The following RAPH1 variants were observed in gnomAD, a reference collection of about 807,000 sequenced individuals.
RAPH1 encodes the protein ras-associated and pleckstrin homology domains-containing protein 1.
A neutral mutation model predicts 88.1 loss-of-function variants in RAPH1; 18 were observed. The ratio of observed to expected loss-of-function variants is 0.20; its 90% CI spans 0.14 to 0.30. RAPH1 has a LOEUF of 0.30. RAPH1 is among the 10% of genes least tolerant of loss of function. RAPH1 has a pLI of 1.00. For synonymous variants in RAPH1, 587 were observed against 559.0 expected, an observed-to-expected ratio of 1.05 and a Z score of -0.71; for missense variants, 1,448 against 1,543.2, an observed-to-expected ratio of 0.94 and a Z score of 1.03.
chr2:203,442,675 T>G (rs2098505320), intron 13 of RAPH1: 2 of 152,272 alleles, frequency 1.3e-5, no homozygotes, highest in Non-Finnish European at 2.9e-5. Flanking sequence ...CACCTGAGAC[T>G]GAGGTAACAG....
intron 7 of RAPH1, among the ~76,000 whole-genome samples, chr2:203,459,213 C>T (rs551308238): frequency 6.6e-6 from 1 of 152,120 alleles, no homozygotes; most frequent in Non-Finnish European, 1.5e-5. Context: ...CTGTTGATAC[C>T]CCCAAATATG....
At chr2:203,443,635 A>G (rs1305027603) in intron 13 of RAPH1, 6 of 148,604 alleles carry the variant, frequency 4.0e-5, no homozygotes, top group Non-Finnish European at 8.8e-5. Flanking sequence ...AAATGGCAAA[A>G]GCATTAAAAA....
chr2:203,439,787 G>T lies in RAPH1; in HGVS notation c.3403C>A (p.Gln1135Lys). 6.2e-7 allele frequency: 1 copy of T among 1,614,162 alleles called. No homozygotes were observed. Among genetic ancestry groups the T allele is most frequent in the Non-Finnish European group, 8.5e-7 (1 of 1,180,026 alleles). ...GTTGGCTGCTCAGAAATCTCAGCTTGAGTGAGGCGGGTGCTATCATTCCGT... is the reference window on the plus strand; with the variant it reads ...GTTGGCTGCTCAGAAATCTCAGCTTTAGTGAGGCGGGTGCTATCATTCCGT... ...PKRNDSTRLT[Q>K]AEISEQPTMA... Residue 1135 changes from glutamine (Q) to lysine (K), a missense_variant, in exon 14 of 14, where the codon CAA (glutamine) becomes AAA (lysine). Physicochemically the swap from Gln to Lys is moderately conservative, Grantham distance 53. Transcript: ENST00000319170.
Position 203,494,434 on chromosome 2 carries a change from A to C in RAPH1, c.120+800T>G, listed in dbSNP as rs185947878. Among the ~76,000 whole-genome samples, 813 of 152,306 alleles carry C rather than the reference A, an allele frequency of 5.3e-3. 7 individuals carry two copies. The highest frequency in any genetic ancestry group is 0.014 in the Middle Eastern group (4 of 294). ...TTAAAAACCCAAGATCGAATAAAGCAAAATGAAAAGATTTTGCCACTGTTT... is the reference window on the plus strand; with the variant it reads ...TTAAAAACCCAAGATCGAATAAAGCCAAATGAAAAGATTTTGCCACTGTTT... On this transcript the variant is annotated intron_variant, in intron 2 of 13. Transcript: ENST00000319170.
At position 203,470,448 on chromosome 2, in the gene RAPH1, G is replaced by C. The variant is rs1205922136; in HGVS notation, c.733-8523C>G. The C allele has an allele frequency of 1.3e-5, 7 of 542,622 alleles. No individual in the cohort carries two copies. The Admixed American group carries it at 1.8e-4, about 14-fold the overall frequency. 33.6% of individuals were successfully genotyped at this position (542,622 alleles called of 1,614,324 possible). On this transcript the variant is annotated intron_variant, in intron 4 of 13. Coordinates refer to ENST00000319170, the MANE Select transcript of RAPH1 (RefSeq NM_213589.3). ...TAATCTCATATCTTTTCCCTAAGTT[G>C]AGTGAAATATCTCCACAAAGAAAAT...
chr2:203,531,107 A>G lies in RAPH1; in HGVS notation c.-1+4004T>C, dbSNP rs190587378. Among the ~76,000 whole-genome samples the G allele has an allele frequency of 5.9e-5, 9 of 152,310 alleles. No individual in the cohort carries two copies. The East Asian group carries it at 1.5e-3, about 26-fold the overall frequency. On this transcript the variant is annotated intron_variant, in intron 1 of 13. Coordinates refer to ENST00000319170, the MANE Select transcript of RAPH1 (RefSeq NM_213589.3). ...CAAATGGATCAAAGACCTAAACATA[A>G]GAGTTGAAACTATAAAACTCCTAAA...
intron 2 of RAPH1, among the ~76,000 whole-genome samples, chr2:203,493,575 G>T (rs900767025): frequency 3.9e-5 from 6 of 152,130 alleles, no homozygotes; most frequent in Non-Finnish European, 8.8e-5. Flanking sequence ...AAAACAGAAA[G>T]AATTTGGCAG....
intron 4 of RAPH1, among the ~76,000 whole-genome samples, chr2:203,464,122 C>T (rs557850230): frequency 1.5e-4 from 23 of 152,190 alleles, no homozygotes; most frequent in African/African-American, 5.3e-4. Context: ...GCTCATTTGC[C>T]GCATCCTTAT....
chr2:203,440,068 A>G lies in RAPH1; in HGVS notation c.3122T>C (p.Leu1041Pro). ...NLSGVNLPGV[L>P]QQGCVSAKAP... ...TTTTGCTGACACACACCCTTGTTGG[A>G]GAACTCCAGGAAGGTTGACTCCAGA... is the stretch of plus-strand genomic sequence containing the variant. Residue 1041 changes from leucine (L) to proline (P), a missense_variant, in exon 14 of 14, where the codon CTC becomes CCC. By Grantham distance (98) the Leu-to-Pro change is moderately conservative (BLOSUM62 -3). Transcript: ENST00000319170. 6.2e-7 allele frequency: 1 copy of G among 1,613,534 alleles called. No individual in the cohort carries two copies. The highest frequency in any genetic ancestry group is 8.5e-7 in the Non-Finnish European group (1 of 1,179,992).
intron 1 of RAPH1, among the ~76,000 whole-genome samples, chr2:203,531,097 C>T (rs1229102305): frequency 6.6e-6 from 1 of 152,018 alleles, no homozygotes; most frequent in Non-Finnish European, 1.5e-5. Flanking sequence ...GGATCAAAGA[C>T]CTAAACATAA....
At chr2:203,474,090 T>C (rs1346599888) in intron 4 of RAPH1, among the ~76,000 whole-genome samples, 2 of 152,084 alleles carry the variant, frequency 1.3e-5, no homozygotes, top group Non-Finnish European at 2.9e-5. Flanking sequence ...ATAAAGTAAT[T>C]CTGAAAAAGC....
intron 10 of RAPH1, among the ~76,000 whole-genome samples, chr2:203,450,017 C>T (rs1274331287): frequency 2.2e-5 from 3 of 139,314 alleles, no homozygotes; most frequent in Admixed American, 7.4e-5. Flanking sequence ...AGCGAGACTT[C>T]GTCTCCAAAA....
In RAPH1 at chr2:203,506,885, T is replaced by TAG. The variant is rs1559495079; in HGVS notation, c.1-11533_1-11532insCT. Among the ~76,000 whole-genome samples, 16 of 108,860 alleles carry TAG rather than the reference T, an allele frequency of 1.5e-4. 1 individual carries two copies. The highest frequency in any genetic ancestry group is 1.9e-4 in the Non-Finnish European group (11 of 57,566). The allele number at this position is 108,860 out of a possible 152,430, so 71.4% of individuals were successfully genotyped here. Reference sequence around the variant, plus strand: ...ATATATATATATATATATATAGATATATATATATATATATTTTTTTTTTTT... The same window carrying TAG: ...ATATATATATATATATATATAGATATAGATATATATATATATTTTTTTTTTTT... On this transcript the variant is annotated intron_variant, in intron 1 of 13. Transcript: ENST00000319170.
intron 4 of RAPH1, among the ~76,000 whole-genome samples, chr2:203,473,199 C>A (rs1196948992): frequency 6.6e-6 from 1 of 152,114 alleles, no homozygotes; most frequent in African/African-American, 2.4e-5. Context: ...GATAGGAGGA[C>A]CACTTGAGCC....
chr2:203,499,107 T>A (rs1688632947), intron 1 of RAPH1, among the ~76,000 whole-genome samples: 1 of 152,150 alleles, frequency 6.6e-6, no homozygotes, highest in Non-Finnish European at 1.5e-5. Context: ...TCAGGAAGTA[T>A]CTTCATCATT....
At chr2:203,509,691 C>G (rs1689249574) in intron 1 of RAPH1, among the ~76,000 whole-genome samples, 1 of 152,126 alleles carries the variant, frequency 6.6e-6, no homozygotes, top group Admixed American at 6.5e-5. Context: ...GGATGGGTAT[C>G]CCTGCAAATC....
intron 5 of RAPH1, 97 bp downstream of exon 5, chr2:203,461,751 C>T (rs1251635636): frequency 1.2e-5 from 10 of 830,910 alleles, no homozygotes; most frequent in Non-Finnish European, 1.9e-5. Flanking sequence ...CTGTATCTCT[C>T]CATATCTTAG....
At chr2:203,469,311 C>T (rs2098531162) in intron 4 of RAPH1, among the ~76,000 whole-genome samples, 1 of 152,196 alleles carries the variant, frequency 6.6e-6, no homozygotes. Flanking sequence ...ATTTCTACCA[C>T]CAGTCATAGA....
intron 10 of RAPH1, among the ~76,000 whole-genome samples, chr2:203,451,784 A>G (rs1241590485): frequency 2.0e-5 from 3 of 152,178 alleles, no homozygotes; most frequent in Non-Finnish European, 2.9e-5. Context: ...CCTCTCACCT[A>G]TATCCCACAG....
Sources: gnomAD v4.1 joint callset for allele counts (sites outside exome capture counted in the v4.1 genomes callset) on GRCh38, gnomAD v4.1.1 for gene constraint, MANE v1.5 for transcripts, NCBI Gene and HGNC (gene_info 2026-07-23, HGNC 2026-07-21) for gene names.